Variants in LRRC3B observed in about 807,000 individuals in gnomAD.
LRRC3B encodes the protein leucine-rich repeat-containing protein 3B.
Under a neutral mutation model 12.8 loss-of-function variants are expected in LRRC3B, and 2 were observed. The observed-to-expected ratio is 0.16, with a 90% confidence interval of 0.06 to 0.49. The LOEUF is 0.49. Ranked by LOEUF, LRRC3B falls within the 20% of genes least tolerant of loss-of-function variation. The probability of loss-of-function intolerance (pLI) is 0.96; values close to 1 mark genes in which losing one functional copy is unlikely to be tolerated. For missense variants in LRRC3B, 189 were observed against 319.4 expected, an observed-to-expected ratio of 0.59 and a Z score of 3.11; for synonymous variants, 132 against 122.0, an observed-to-expected ratio of 1.08 and a Z score of -0.54.
chr3:26,700,032 A>G (rs1286650509), intron 1 of LRRC3B, among the ~76,000 whole-genome samples: 2 of 152,186 alleles, frequency 1.3e-5, no homozygotes, highest in African/African-American at 4.8e-5. Flanking sequence ...CATAAGCACT[A>G]GATCTTGTAG....
chr3:26,692,347 C>T (rs1023797968), intron 1 of LRRC3B, among the ~76,000 whole-genome samples: 10 of 152,180 alleles, frequency 6.6e-5, no homozygotes, highest in African/African-American at 2.4e-4. Flanking sequence ...ACTAATTCCA[C>T]ACCAGGAACT....
At chr3:26,643,248 A>ATGTG (rs758390976) in intron 1 of LRRC3B, among the ~76,000 whole-genome samples, 52 of 123,112 alleles carry the variant, frequency 4.2e-4, no homozygotes, top group African/African-American at 1.4e-3. Context: ...ATACACACAT[A>ATGTG]TGTGTGAGTG....
intron 1 of LRRC3B, among the ~76,000 whole-genome samples, chr3:26,699,387 T>C (rs1314612667): frequency 6.6e-6 from 1 of 152,136 alleles, no homozygotes; most frequent in Non-Finnish European, 1.5e-5. Context: ...ATATTATTGA[T>C]CATAGTCCTA....
At chr3:26,709,998 A>C in exon 2 of LRRC3B, 1 of 1,614,126 alleles carries the variant, frequency 6.2e-7, no homozygotes, top group Non-Finnish European at 8.5e-7. Flanking sequence ...CATGCCTTCA[A>C]AGGAGTAGCT....
intron 1 of LRRC3B, among the ~76,000 whole-genome samples, chr3:26,672,280 G>T (rs992962314): frequency 4.6e-5 from 7 of 152,264 alleles, no homozygotes; most frequent in African/African-American, 1.7e-4. Context: ...TACAGGAGAA[G>T]GGTAGTGATT....
chr3:26,630,291 A>G (rs1341349611), intron 1 of LRRC3B, among the ~76,000 whole-genome samples: 1 of 152,194 alleles, frequency 6.6e-6, no homozygotes, highest in Admixed American at 6.5e-5. Context: ...TCTCCAGGCC[A>G]AGGTCTTCTA....
intron 1 of LRRC3B, among the ~76,000 whole-genome samples, chr3:26,635,012 C>T (rs983867300): frequency 6.6e-6 from 1 of 152,200 alleles, no homozygotes; most frequent in African/African-American, 2.4e-5. Context: ...TTCAAAGATA[C>T]AGGCAGACCT....
intron 1 of LRRC3B, among the ~76,000 whole-genome samples, chr3:26,627,431 T>TAGGACCTAGGCCATCCTATAGTG (rs757612293): frequency 1.3e-5 from 2 of 152,122 alleles, no homozygotes; most frequent in African/African-American, 4.8e-5. Flanking sequence ...TGTGGCACAC[T>TAGGACCTAGGCCATCCTATAGTG]AGGACCTAGG....
intron 1 of LRRC3B, among the ~76,000 whole-genome samples, chr3:26,699,026 A>G (rs1408088641): frequency 1.3e-5 from 2 of 151,922 alleles, no homozygotes; most frequent in East Asian, 3.9e-4. Flanking sequence ...CCTGTGTTTT[A>G]TTGTTATTTT....
At chr3:26,684,218 G>C (rs1420171634) in intron 1 of LRRC3B, among the ~76,000 whole-genome samples, 3 of 152,182 alleles carry the variant, frequency 2.0e-5, no homozygotes, top group Non-Finnish European at 2.9e-5. Flanking sequence ...TAGTATCCAA[G>C]GAACCAGGGG....
At chr3:26,673,939 T>C (rs1305556538) in intron 1 of LRRC3B, among the ~76,000 whole-genome samples, 1 of 152,206 alleles carries the variant, frequency 6.6e-6, no homozygotes, top group Non-Finnish European at 1.5e-5. Flanking sequence ...GGAGGCCCAA[T>C]TTCATCTCCT....
rs114093754 is a variant in LRRC3B at position 26,646,823 on chromosome 3, A to G, written c.-161+23586A>G. Among the ~76,000 whole-genome samples, 583 of 152,146 alleles carry G rather than the reference A, an allele frequency of 3.8e-3. 3 individuals carry two copies. Among genetic ancestry groups the G allele is most frequent in the African/African-American group, 0.013 (557 of 41,522 alleles). On this transcript the variant is annotated intron_variant, in intron 1 of 1. Transcript: ENST00000396641. ...GGGTGTGGGTGAGGCAGTGTGGTAT[A>G]GTGTCAGATGTACAGGATTTGGAGT...
intron 1 of LRRC3B, among the ~76,000 whole-genome samples, chr3:26,682,643 G>T (rs1324754174): frequency 6.6e-6 from 1 of 152,162 alleles, no homozygotes; most frequent in Non-Finnish European, 1.5e-5. Context: ...CCAGCCTGGA[G>T]AAAAACTAAA....
At chr3:26,671,363 T>TAGAGAGAG (rs1168867674) in intron 1 of LRRC3B, among the ~76,000 whole-genome samples, 9 of 46,252 alleles carry the variant, frequency 1.9e-4, no homozygotes, top group Non-Finnish European at 2.8e-4. Context: ...TATATATATA[T>TAGAGAGAG]ATATATATAT....
intron 1 of LRRC3B, among the ~76,000 whole-genome samples, chr3:26,677,274 G>A (rs1279419797): frequency 6.6e-6 from 1 of 152,170 alleles, no homozygotes; most frequent in Non-Finnish European, 1.5e-5. Context: ...GAATGTGAGG[G>A]GAGGGTTGAT....
rs182820200 is a variant in LRRC3B, at chr3:26,655,911, C to T, written c.-161+32674C>T. 2.7e-3 allele frequency among the ~76,000 whole-genome samples: 412 copies of T among 152,244 alleles called. 3 individuals carry two copies. The highest frequency in any genetic ancestry group is 3.8e-3 in the Non-Finnish European group (258 of 68,012). On this transcript the variant is annotated intron_variant, in intron 1 of 1. Coordinates refer to ENST00000396641, the Ensembl canonical transcript of LRRC3B. ...CTATTTATTATCACCTTTTTACAGA[C>T]AAGGAAACCACGACTCAGAGACTAA...
At chr3:26,698,342 C>T (rs1700370883) in intron 1 of LRRC3B, among the ~76,000 whole-genome samples, 1 of 152,172 alleles carries the variant, frequency 6.6e-6, no homozygotes, top group Admixed American at 6.5e-5. Context: ...AAGCTGTGAT[C>T]TCCATATTGG....
intron 1 of LRRC3B, among the ~76,000 whole-genome samples, chr3:26,671,371 T>TAGAGAGAGAGAGAGAGAGAGAGAGAGAG (rs1207421811): frequency 1.7e-4 from 6 of 35,956 alleles, no homozygotes; most frequent in South Asian, 1.3e-3. Context: ...TATATATATA[T>TAGAGAGAGAGAGAGAGAGAGAGAGAGAG]ATAGAGAGAG....
intron 1 of LRRC3B, among the ~76,000 whole-genome samples, chr3:26,646,596 GGT>G (rs1699149691): frequency 1.2e-5 from 1 of 83,950 alleles, no homozygotes; most frequent in Admixed American, 1.5e-4. Context: ...AAGGATAGGA[GGT>G]AAAAAAAAAA....
Sources: gnomAD v4.1 joint callset for allele counts (sites outside exome capture counted in the v4.1 genomes callset) on GRCh38, gnomAD v4.1.1 for gene constraint, MANE v1.5 for transcripts, NCBI Gene and HGNC (gene_info 2026-07-23, HGNC 2026-07-21) for gene names.